Variants in GOLM2 observed in about 807,000 individuals in gnomAD.
The protein encoded by GOLM2 is protein GOLM2.
Under a neutral mutation model 55.9 loss-of-function variants are expected in GOLM2, and 26 were observed. That is an observed-to-expected ratio of 0.47 (90% CI 0.34 to 0.65). The LOEUF (loss-of-function observed/expected upper bound fraction) is 0.65. Among genes scored for constraint, GOLM2 ranks in the 30% least tolerant of loss-of-function variants. The probability of loss-of-function intolerance (pLI) is 0.01; values close to 1 mark genes in which losing one functional copy is unlikely to be tolerated. For missense variants in GOLM2, 486 were observed against 531.8 expected, an observed-to-expected ratio of 0.91 and a Z score of 0.85; for synonymous variants, 165 against 194.6, an observed-to-expected ratio of 0.85 and a Z score of 1.27.
chr15:44,315,760 T>C (rs1316994595), intron 1 of GOLM2, among the ~76,000 whole-genome samples: 1 of 152,136 alleles, frequency 6.6e-6, no homozygotes, highest in African/African-American at 2.4e-5. Flanking sequence ...ATTGGCCTAT[T>C]ATAGATGGAC....
intron 6 of GOLM2, among the ~76,000 whole-genome samples, chr15:44,360,054 A>G (rs1159727629): frequency 5.3e-5 from 8 of 152,298 alleles, no homozygotes; most frequent in Middle Eastern, 3.4e-3. Flanking sequence ...TGAAGGAAGC[A>G]CTAAACATGG....
intron 8 of GOLM2, among the ~76,000 whole-genome samples, chr15:44,383,746 G>T (rs1173094427): frequency 1.4e-5 from 2 of 143,878 alleles, no homozygotes; most frequent in Admixed American, 7.2e-5. Context: ...GTGCAGTTGT[G>T]GCTCACTGCA....
intron 1 of GOLM2, among the ~76,000 whole-genome samples, chr15:44,315,417 A>G (rs2078902747): frequency 6.6e-6 from 1 of 152,216 alleles, no homozygotes; most frequent in South Asian, 2.1e-4. Context: ...TGGAAAGAGA[A>G]GCAGAGCAAC....
At chr15:44,317,569 T>C (rs1311866280) in intron 1 of GOLM2, among the ~76,000 whole-genome samples, 1 of 152,118 alleles carries the variant, frequency 6.6e-6, no homozygotes, top group Admixed American at 6.5e-5. Context: ...GATCAAATAC[T>C]GTAGTTGTTG....
chr15:44,291,119 T>C (rs2078718274), intron 1 of GOLM2, among the ~76,000 whole-genome samples: 1 of 150,660 alleles, frequency 6.6e-6, no homozygotes, highest in Non-Finnish European at 1.5e-5. Flanking sequence ...TTTTTTTTTT[T>C]TTTTAAAGAG....
In GOLM2 at chr15:44,322,929, A is replaced by AT. The variant is rs2078960658; in HGVS notation, c.328-30dup. On this transcript the variant is annotated intron_variant, in intron 1 of 9. Coordinates refer to ENST00000299957, the MANE Select transcript of GOLM2 (RefSeq NM_138423.4). Reference sequence around the variant, plus strand: ...ACCAAAAAAATGAACAAAACTACATATTTTTTAGTAAAATGAGAACTTAAT... The same window carrying AT: ...ACCAAAAAAATGAACAAAACTACATATTTTTTTAGTAAAATGAGAACTTAAT... The AT allele has an allele frequency of 4.1e-6, 6 of 1,448,490 alleles. No individual in the cohort carries two copies. The East Asian group carries it at 1.4e-4, about 35-fold the overall frequency. 89.7% of individuals were successfully genotyped at this position (1,448,490 alleles called of 1,614,324 possible).
intron 4 of GOLM2, among the ~76,000 whole-genome samples, chr15:44,334,774 G>C (rs1024101066): frequency 6.6e-6 from 1 of 152,174 alleles, no homozygotes; most frequent in Admixed American, 6.5e-5. Flanking sequence ...GCTCACACCT[G>C]TAATCCCACC....
In GOLM2 at chr15:44,414,395, C is replaced by T. The variant is rs559227355; in HGVS notation, c.*989C>T. 1 of 152,276 alleles carries T rather than the reference C, an allele frequency of 6.6e-6. No individual in the cohort carries two copies. Among genetic ancestry groups the T allele is most frequent in the South Asian group, 2.1e-4 (1 of 4,826 alleles). 9.4% of individuals were successfully genotyped at this position (152,276 alleles called of 1,614,324 possible). ...ACATAACAGTATTTATGAGTTATAT[C>T]TTAGTTCTTGAAATTGTGGAATGCA... is the stretch of plus-strand genomic sequence containing the variant. On this transcript the variant is annotated 3_prime_UTR_variant, in exon 10 of 10. Coordinates refer to ENST00000299957, the MANE Select transcript of GOLM2 (RefSeq NM_138423.4).
chr15:44,291,104 C>CT (rs577138423), intron 1 of GOLM2, among the ~76,000 whole-genome samples: 8,011 of 129,342 alleles, frequency 0.062, 269 homozygotes, highest in East Asian at 0.095. Flanking sequence ...TGCCCAGCCT[C>CT]TTTTTTTTTT....
intron 6 of GOLM2, 108 bp from the exon 7 acceptor site, chr15:44,379,582 T>A: frequency 4.5e-6 from 3 of 671,408 alleles, no homozygotes. Context: ...AGAATAAACA[T>A]CATAGAATTA....
At chr15:44,401,595 A>G (rs1375659288) in intron 8 of GOLM2, among the ~76,000 whole-genome samples, 1 of 152,138 alleles carries the variant, frequency 6.6e-6, no homozygotes, top group Non-Finnish European at 1.5e-5. Flanking sequence ...ATTTAGACCT[A>G]TCACAGAAAG....
chr15:44,378,519 G>A (rs1218219629), intron 6 of GOLM2, among the ~76,000 whole-genome samples: 10 of 151,376 alleles, frequency 6.6e-5, no homozygotes, highest in Middle Eastern at 3.4e-3. Context: ...CACCATGCCC[G>A]GCTAATTTTT....
chr15:44,368,637 T>C (rs1567037003), intron 6 of GOLM2, among the ~76,000 whole-genome samples: 1 of 151,978 alleles, frequency 6.6e-6, no homozygotes, highest in Non-Finnish European at 1.5e-5. Context: ...GGTTCTTTTT[T>C]ACTCCCCATT....
chr15:44,360,305 C>A (rs1480823847), intron 6 of GOLM2, among the ~76,000 whole-genome samples: 1 of 152,120 alleles, frequency 6.6e-6, no homozygotes, highest in Non-Finnish European at 1.5e-5. Flanking sequence ...ATTCAGGAAA[C>A]CCATCTCACA....
chr15:44,343,846 AT>A (rs1486036938), intron 6 of GOLM2, among the ~76,000 whole-genome samples: 7 of 151,864 alleles, frequency 4.6e-5, no homozygotes, highest in African/African-American at 1.7e-4. Context: ...AAAGAAAAAA[AT>A]ATATATCCTT....
intron 1 of GOLM2, among the ~76,000 whole-genome samples, chr15:44,320,710 T>A (rs1257513762): frequency 2.0e-5 from 3 of 152,222 alleles, no homozygotes; most frequent in African/African-American, 7.2e-5. Context: ...AACATTTATA[T>A]TTTCATCTAT....
intron 6 of GOLM2, among the ~76,000 whole-genome samples, chr15:44,342,513 C>T (rs984465526): frequency 6.6e-6 from 1 of 152,118 alleles, no homozygotes; most frequent in Non-Finnish European, 1.5e-5. Context: ...GCAGTCCTCC[C>T]ACCTTAGCCT....
chr15:44,338,766 A>T (rs2079073423), intron 6 of GOLM2, among the ~76,000 whole-genome samples: 1 of 151,968 alleles, frequency 6.6e-6, no homozygotes, highest in South Asian at 2.1e-4. Context: ...TTAGTGAATT[A>T]CCCCACACTT....
chr15:44,297,814 C>T (rs1448648359), intron 1 of GOLM2, among the ~76,000 whole-genome samples: 2 of 150,420 alleles, frequency 1.3e-5, no homozygotes, highest in Non-Finnish European at 2.9e-5. Context: ...ATGATCCACC[C>T]GCCTTGGCCT....
Sources: gnomAD v4.1 joint callset for allele counts (sites outside exome capture counted in the v4.1 genomes callset) on GRCh38, gnomAD v4.1.1 for gene constraint, MANE v1.5 for transcripts, NCBI Gene and HGNC (gene_info 2026-07-23, HGNC 2026-07-21) for gene names.